The following RELN variants were observed in gnomAD, a reference collection of about 807,000 sequenced individuals.
The protein encoded by RELN is reelin.
A neutral mutation model predicts 427.6 loss-of-function variants in RELN; 108 were observed. The ratio of observed to expected loss-of-function variants is 0.25; its 90% CI spans 0.22 to 0.30. The LOEUF is 0.30. Ranked by LOEUF, RELN falls within the 10% of genes least tolerant of loss-of-function variation. RELN has a pLI of 1.00. For missense variants in RELN, 3,715 were observed against 4,302.8 expected (o/e 0.86, Z 3.82); for synonymous variants, 1,524 against 1,513.4 (o/e 1.01, Z -0.16).
At chr7:103,791,149 T>C (rs560897986) in intron 3 of RELN, among the ~76,000 whole-genome samples, 2 of 152,258 alleles carry the variant, frequency 1.3e-5, no homozygotes, top group African/African-American at 4.8e-5. Context: ...TGTTCATGAC[T>C]TAGAAGGTGA....
At chr7:103,544,710 A>G (rs1830251669) in intron 42 of RELN, among the ~76,000 whole-genome samples, 1 of 152,210 alleles carries the variant, frequency 6.6e-6, no homozygotes, top group African/African-American at 2.4e-5. Context: ...ATGATACTGA[A>G]TTCTAGGTGT....
At chr7:103,630,632 C>G (rs1832432042) in intron 19 of RELN, among the ~76,000 whole-genome samples, 1 of 152,214 alleles carries the variant, frequency 6.6e-6, no homozygotes, top group Admixed American at 6.5e-5. Context: ...TTTCCAGGAG[C>G]GATTATTGTA....
chr7:103,508,500 C>G (rs1246835877), intron 51 of RELN, among the ~76,000 whole-genome samples: 1 of 152,192 alleles, frequency 6.6e-6, no homozygotes, highest in East Asian at 1.9e-4. Flanking sequence ...GAACATATCT[C>G]AAAATAATAA....
intron 3 of RELN, among the ~76,000 whole-genome samples, chr7:103,795,083 T>A (rs262330): frequency 0.99 from 150,497 of 152,330 alleles, 74,358 homozygotes; most frequent in East Asian, 1. Context: ...GAAGTCTAGG[T>A]GTTTAATTAT....
intron 42 of RELN, among the ~76,000 whole-genome samples, chr7:103,543,257 C>G (rs1161672721): frequency 6.6e-6 from 1 of 152,138 alleles, no homozygotes; most frequent in Non-Finnish European, 1.5e-5. Context: ...TGTGTCCTCT[C>G]TAATGTAAGG....
intron 2 of RELN, among the ~76,000 whole-genome samples, chr7:103,890,348 G>A (rs1401613170): frequency 1.3e-5 from 2 of 152,096 alleles, no homozygotes; most frequent in African/African-American, 4.8e-5. Context: ...CAGGGCCACG[G>A]AGCAGTAGTG....
chr7:103,513,401 C>T (rs900969208), intron 50 of RELN: 6 of 152,062 alleles, frequency 3.9e-5, no homozygotes, highest in African/African-American at 1.4e-4. Context: ...TACTTTTATT[C>T]ATATGGAAGC....
At chr7:103,719,156 A>G (rs1226637369) in intron 8 of RELN, among the ~76,000 whole-genome samples, 1 of 152,194 alleles carries the variant, frequency 6.6e-6, no homozygotes, top group African/African-American at 2.4e-5. Context: ...AGTAAGTTGA[A>G]GCCCTGAGCT....
At chr7:103,539,724 A>C (rs1017393208) in intron 44 of RELN, among the ~76,000 whole-genome samples, 1 of 152,232 alleles carries the variant, frequency 6.6e-6, no homozygotes. Flanking sequence ...CGGTTTGTTA[A>C]CAGGTTCTTT....
rs199810251 is a variant in RELN at position 103,563,676 on chromosome 7, CCACT to C, written c.5210+1598_5210+1601del. On this transcript the variant is annotated intron_variant, in intron 34 of 64. Coordinates refer to ENST00000428762, the MANE Select transcript of RELN (RefSeq NM_005045.4). This position sits in a 1 kb window ranked among gnomAD's most constrained non-coding sequence, Gnocchi z 4.1. ...TATTCTAGGCCTTCACATTCACTCA[CCACT>C]CACTCACCCACTCACCCAGAGCAAC... 4.4e-3 allele frequency among the ~76,000 whole-genome samples: 663 copies of C among 152,270 alleles called. 12 individuals carry two copies. Among genetic ancestry groups the C allele is most frequent in the Admixed American group, 0.04 (613 of 15,296 alleles).
At chr7:103,717,123 A>G (rs1412001567) in intron 8 of RELN, among the ~76,000 whole-genome samples, 1 of 152,134 alleles carries the variant, frequency 6.6e-6, no homozygotes, top group Admixed American at 6.6e-5. Context: ...ATATAAAAAT[A>G]TTTAATTATC....
intron 11 of RELN, among the ~76,000 whole-genome samples, chr7:103,672,602 A>C (rs1366137972): frequency 6.6e-6 from 1 of 152,192 alleles, no homozygotes; most frequent in Admixed American, 6.6e-5. Flanking sequence ...GATCCATTTT[A>C]GCACTTGTGT....
chr7:103,747,672 A>T (rs1790880296), intron 6 of RELN, among the ~76,000 whole-genome samples: 1 of 149,020 alleles, frequency 6.7e-6, no homozygotes, highest in African/African-American at 2.5e-5. Flanking sequence ...TGGAATCTTA[A>T]AGAGGCTAAA....
At chr7:103,916,940 C>G (rs1795494120) in intron 2 of RELN, 135 bp downstream of exon 2, 1 of 752,964 alleles carries the variant, frequency 1.3e-6, no homozygotes, top group African/African-American at 1.7e-5. Flanking sequence ...AGCAAACACA[C>G]ACAAAAACAA....
In RELN at chr7:103,878,638, A is replaced by G. The variant is rs191494353; in HGVS notation, c.337+38437T>C. 7.2e-3 allele frequency among the ~76,000 whole-genome samples: 1,101 copies of G among 152,268 alleles called. 19 individuals are homozygous for G. Among genetic ancestry groups the G allele is most frequent in the African/African-American group, 0.025 (1,056 of 41,552 alleles). On this transcript the variant is annotated intron_variant, in intron 2 of 64. Transcript: ENST00000428762. ...AATGCATGACAAAAATTCCTTCTTC[A>G]AAAAAGTTAGCTCCAACAGATATAT... is the stretch of plus-strand genomic sequence containing the variant.
chr7:103,594,538 CTTT>C, intron 25 of RELN, 46 bp from the exon 26 acceptor site: 2 of 1,363,650 alleles, frequency 1.5e-6, no homozygotes, highest in East Asian at 2.6e-5. Context: ...AAAAGCTGTG[CTTT>C]TTTTTTTTCA....
At chr7:103,906,383 G>A (rs1795204711) in intron 2 of RELN, among the ~76,000 whole-genome samples, 1 of 152,270 alleles carries the variant, frequency 6.6e-6, no homozygotes, top group Non-Finnish European at 1.5e-5. Context: ...GATCAAAAGA[G>A]TTAATACCTG....
At chr7:103,654,290 A>G (rs1356287435) in intron 12 of RELN, 85 bp from the exon 13 acceptor site, 1 of 775,992 alleles carries the variant, frequency 1.3e-6, no homozygotes, top group East Asian at 2.5e-5. Context: ...CAGAATGAAA[A>G]ATCATTATAG....
chr7:103,758,173 A>G (rs2116114598), intron 4 of RELN, among the ~76,000 whole-genome samples: 1 of 152,316 alleles, frequency 6.6e-6, no homozygotes, highest in South Asian at 2.1e-4. Flanking sequence ...ATCCAGAAAT[A>G]ATGCCATTGA....
Sources: allele counts gnomAD v4.1 joint callset (sites outside exome capture counted in the v4.1 genomes callset), GRCh38; gene constraint gnomAD v4.1.1; non-coding constraint Gnocchi (gnomAD v3.1); transcripts MANE v1.5; gene names NCBI Gene and HGNC (gene_info 2026-07-23, HGNC 2026-07-21).